GRM7: variants seen among roughly 807,000 people sequenced by gnomAD.
GRM7 encodes glutamate metabotropic receptor 7.
GRM7 carries 35 observed loss-of-function variants against 84.5 expected under a neutral mutation model. That is an observed-to-expected ratio of 0.41 (90% confidence interval 0.32 to 0.55). GRM7 has a LOEUF of 0.55. Among genes scored for constraint, GRM7 ranks in the 20% least tolerant of loss-of-function variants. The probability of loss-of-function intolerance (pLI) is 0.19; values close to 1 mark genes in which losing one functional copy is unlikely to be tolerated. For synonymous variants in GRM7, 487 were observed against 455.1 expected, an observed-to-expected ratio of 1.07 and a Z score of -0.89; for missense variants, 1,003 against 1,194.6, an observed-to-expected ratio of 0.84 and a Z score of 2.36.
intron 1 of GRM7, among the ~76,000 whole-genome samples, chr3:7,035,392 A>C: frequency 6.6e-6 from 1 of 152,214 alleles, no homozygotes; most frequent in Non-Finnish European, 1.5e-5. Context: ...GGAAAGTATA[A>C]AAGGCCCAGG....
Position 6,908,517 on chromosome 3 carries a change from G to C in GRM7, c.519+46610G>C, listed in dbSNP as rs1575000767. On this transcript the variant is annotated intron_variant, in intron 1 of 9. Coordinates refer to ENST00000357716, the MANE Select transcript of GRM7 (RefSeq NM_000844.4). Reference sequence around the variant, plus strand: ...AGAGAGGCTACATGACTCAGTCAAGGTCATTCATTGTGGTGATGCCAACAC... The same window carrying C: ...AGAGAGGCTACATGACTCAGTCAAGCTCATTCATTGTGGTGATGCCAACAC... Among the ~76,000 whole-genome samples, 3 of 152,120 alleles carry C rather than the reference G, an allele frequency of 2.0e-5. No homozygotes were observed. The South Asian group carries it at 6.2e-4, about 31-fold the overall frequency.
chr3:7,050,880 G>A (rs1696972185), intron 1 of GRM7, among the ~76,000 whole-genome samples: 1 of 151,786 alleles, frequency 6.6e-6, no homozygotes, highest in African/African-American at 2.4e-5. Flanking sequence ...CCAATTAGAT[G>A]CCAGTTGAAT....
At chr3:7,076,022 GA>G (rs564701561) in intron 1 of GRM7, among the ~76,000 whole-genome samples, 2 of 151,588 alleles carry the variant, frequency 1.3e-5, no homozygotes, top group Non-Finnish European at 2.9e-5. Flanking sequence ...GGGAAAAAAA[GA>G]AAAAAACATT....
chr3:7,539,296 G>A (rs536467512), intron 7 of GRM7, among the ~76,000 whole-genome samples: 54 of 152,224 alleles, frequency 3.5e-4, no homozygotes, highest in Non-Finnish European at 1.8e-4. Context: ...AACAGCGTGC[G>A]TAATTCCATG....
At chr3:7,259,052 T>C (rs919033524) in intron 2 of GRM7, among the ~76,000 whole-genome samples, 30 of 152,376 alleles carry the variant, frequency 2.0e-4, no homozygotes, top group Non-Finnish European at 4.3e-4. Flanking sequence ...TGGAGCCAGA[T>C]AGAGCACTTA....
At chr3:7,044,796 C>A (rs755196366) in intron 1 of GRM7, among the ~76,000 whole-genome samples, 4 of 152,130 alleles carry the variant, frequency 2.6e-5, no homozygotes, top group Admixed American at 6.6e-5. Context: ...CAAATATTCT[C>A]AGAGTGAACT....
intron 9 of GRM7, chr3:7,693,658 A>T: frequency 6.5e-7 from 1 of 1,531,570 alleles, no homozygotes; most frequent in Non-Finnish European, 8.8e-7. Context: ...GCTACTGACC[A>T]TCTGCACTGG....
intron 7 of GRM7, among the ~76,000 whole-genome samples, chr3:7,489,872 A>G (rs1374039425): frequency 6.6e-6 from 1 of 151,866 alleles, no homozygotes; most frequent in Non-Finnish European, 1.5e-5. Context: ...TAATAAATAT[A>G]TGACATATAA....
intron 9 of GRM7, among the ~76,000 whole-genome samples, chr3:7,722,980 A>T (rs1422920144): frequency 1.3e-5 from 2 of 152,194 alleles, no homozygotes; most frequent in Non-Finnish European, 2.9e-5. Flanking sequence ...AGGAGGCTTC[A>T]AATTTTTTTA....
intron 1 of GRM7, among the ~76,000 whole-genome samples, chr3:7,144,205 C>T (rs188469216): frequency 6.6e-6 from 1 of 152,118 alleles, no homozygotes; most frequent in African/African-American, 2.4e-5. Flanking sequence ...AGCAAAGCAT[C>T]GTACTTGTGA....
At chr3:7,033,271 A>G (rs1444615188) in intron 1 of GRM7, among the ~76,000 whole-genome samples, 1 of 152,138 alleles carries the variant, frequency 6.6e-6, no homozygotes, top group African/African-American at 2.4e-5. Context: ...ATAACGGATT[A>G]TATCTGCAAA....
rs554438168 is a variant in GRM7 at position 6,972,727 on chromosome 3, G to A, written c.519+110820G>A. Among the ~76,000 whole-genome samples, 5 of 152,286 alleles carry A rather than the reference G, an allele frequency of 3.3e-5. No individual in the cohort carries two copies. In the South Asian group the frequency reaches 1.0e-3, roughly 32 times the overall value. ...GCGGTAAGGACGGTCCCTTAGAATC[G>A]TCTTGTGTTAGGCAGAGATGGTTAG... On this transcript the variant is annotated intron_variant, in intron 1 of 9. Transcript: ENST00000357716.
At chr3:7,436,927 T>C (rs1369234005) in intron 5 of GRM7, among the ~76,000 whole-genome samples, 2 of 151,958 alleles carry the variant, frequency 1.3e-5, no homozygotes, top group Non-Finnish European at 2.9e-5. Flanking sequence ...TTTATCATCA[T>C]CATCATCATC....
intron 8 of GRM7, among the ~76,000 whole-genome samples, chr3:7,660,886 A>C (rs1699414497): frequency 1.3e-5 from 2 of 152,208 alleles, no homozygotes; most frequent in South Asian, 4.1e-4. Context: ...TAGCTTTTTC[A>C]ACAAATGATT....
At position 7,388,095 on chromosome 3, in the gene GRM7, G is replaced by A. The variant is rs186851791; in HGVS notation, c.1034-26928G>A. On this transcript the variant is annotated intron_variant, in intron 4 of 9. Coordinates refer to ENST00000357716, the MANE Select transcript of GRM7 (RefSeq NM_000844.4). Reference sequence around the variant, plus strand: ...TCTTGATGTCTTTCTCAGCTTGAATGTTATTGGTGGATAGAAATTCTACTA... The same window carrying A: ...TCTTGATGTCTTTCTCAGCTTGAATATTATTGGTGGATAGAAATTCTACTA... 2.3e-3 allele frequency among the ~76,000 whole-genome samples: 345 copies of A among 152,158 alleles called. 8 individuals carry two copies. Among genetic ancestry groups the A allele is most frequent in the Admixed American group, 0.019 (287 of 15,274 alleles).
intron 9 of GRM7, among the ~76,000 whole-genome samples, chr3:7,711,417 C>T (rs1389638479): frequency 6.6e-5 from 10 of 152,148 alleles, no homozygotes; most frequent in African/African-American, 1.4e-4. Context: ...GTGTAGTGAG[C>T]GAGCAGGAAA....
intron 1 of GRM7, among the ~76,000 whole-genome samples, chr3:7,054,016 T>A (rs1476682956): frequency 6.6e-6 from 1 of 151,060 alleles, no homozygotes; most frequent in African/African-American, 2.4e-5. Flanking sequence ...TTGTAATTTT[T>A]GTTCTACAGT....
At chr3:7,032,081 G>A (rs767443867) in intron 1 of GRM7, among the ~76,000 whole-genome samples, 8 of 152,180 alleles carry the variant, frequency 5.3e-5, no homozygotes, top group South Asian at 2.1e-4. Flanking sequence ...CCTAAAACAC[G>A]TCAAAGACAT....
rs555660261 is a variant in GRM7 at position 7,359,756 on chromosome 3, G to A, written c.1033+53104G>A. Reference sequence around the variant, plus strand: ...TTATTGTAAATGAGTATAGCACATGGCACATGATAGGTGTGCAGAAAACGT... The same window carrying A: ...TTATTGTAAATGAGTATAGCACATGACACATGATAGGTGTGCAGAAAACGT... On this transcript the variant is annotated intron_variant, in intron 4 of 9. Coordinates refer to ENST00000357716, the MANE Select transcript of GRM7 (RefSeq NM_000844.4). Among the ~76,000 whole-genome samples the A allele has an allele frequency of 4.0e-5, 6 of 148,504 alleles. No individual in the cohort carries two copies. The East Asian group carries it at 1.2e-3, about 29-fold the overall frequency.
Sources: gnomAD v4.1 joint callset for allele counts (sites outside exome capture counted in the v4.1 genomes callset) on GRCh38, gnomAD v4.1.1 for gene constraint, MANE v1.5 for transcripts, NCBI Gene and HGNC (gene_info 2026-07-23, HGNC 2026-07-21) for gene names.